Variants in TRIP6 observed in about 807,000 individuals in gnomAD.
TRIP6 encodes thyroid hormone receptor interactor 6, also known as thyroid receptor-interacting protein 6.
Under a neutral mutation model 51.9 loss-of-function variants are expected in TRIP6, and 33 were observed. The ratio of observed to expected loss-of-function variants is 0.64; its 90% CI spans 0.48 to 0.85. The LOEUF (loss-of-function observed/expected upper bound fraction) is 0.85, where lower values mean the gene tolerates loss of function less well. Among genes scored for constraint, TRIP6 ranks in the 40% least tolerant of loss-of-function variants. The pLI is 0.00. For missense variants in TRIP6, 661 were observed against 652.1 expected (o/e 1.01, Z -0.15); for synonymous variants, 255 against 275.8 (o/e 0.92, Z 0.75).
At chr7:100,871,221 G>A (rs1450369056) in intron 6 of TRIP6, 2 of 464,406 alleles carry the variant, frequency 4.3e-6, no homozygotes, top group Admixed American at 6.2e-5. Context: ...TTTTAGTAGA[G>A]ACAGGGTTTC....
At chr7:100,869,623 ACT>A (rs1815226863) in intron 4 of TRIP6, among the ~76,000 whole-genome samples, 2 of 128,876 alleles carry the variant, frequency 1.6e-5, no homozygotes, top group Non-Finnish European at 3.2e-5. Context: ...CAAGAGCAAA[ACT>A]CTGTCTCAAA....
chr7:100,873,126 G>A (rs780758157), intron 8 of TRIP6, 46 bp from the exon 9 acceptor site: 2 of 1,594,494 alleles, frequency 1.3e-6, no homozygotes, highest in East Asian at 4.5e-5. Context: ...TGGGATTACA[G>A]GCGTGAGCCA....
chr7:100,871,392 C>T (rs1189452015), intron 6 of TRIP6, 151 bp from the exon 7 acceptor site: 2 of 733,146 alleles, frequency 2.7e-6, no homozygotes, highest in Non-Finnish European at 4.5e-6. Flanking sequence ...GACCTGAACT[C>T]AGATCTGCTC....
rs1229705672 is a variant in TRIP6, at chr7:100,867,503, G to T, written c.6G>T (p.Ser2=). 1 of 1,488,812 alleles carries T rather than the reference G, an allele frequency of 6.7e-7. No individual in the cohort carries two copies. The highest frequency in any genetic ancestry group is 2.4e-5 in the Admixed American group (1 of 41,172). 92.2% of individuals were successfully genotyped at this position (1,488,812 alleles called of 1,614,324 possible). A position where few individuals can be genotyped will look rare whatever the true frequency, so the allele number is the denominator to read the frequency against. ...GGAGTCCCCCTTTCCAGGCCATGTCGGGGCCCACCTGGCTGCCCCCGAAGC... is the reference window on the plus strand; with the variant it reads ...GGAGTCCCCCTTTCCAGGCCATGTCTGGGCCCACCTGGCTGCCCCCGAAGC... M[S]GPTWLPPKQP... The change falls in exon 1 of 9, where the codon TCG becomes TCT. Residue 2 remains serine (S), a synonymous_variant. Transcript: ENST00000200457. The surrounding 1 kb of genome is among the most constrained non-coding windows in gnomAD (Gnocchi z 5.4).
chr7:100,870,994 T>A (rs1815256743), intron 6 of TRIP6: 2 of 668,418 alleles, frequency 3.0e-6, no homozygotes, highest in Non-Finnish European at 5.4e-6. Flanking sequence ...TAGATTCCCA[T>A]GACACCCCTG....
rs537640607 is a variant in TRIP6, at chr7:100,872,742, G to A, written c.1297G>A (p.Glu433Lys). ...TTTTCACATTGGCTGTTACAAGTGC[G>A]AGGTCAGGGGCCCCCAGCACGTGCA... ...RSFHIGCYKC[E>K]ECGLLLSSEG... Residue 433 changes from glutamate (E) to lysine (K), a missense_variant and splice_region_variant, in exon 8 of 9, where the codon GAG (glutamate) becomes AAG (lysine). Transcript: ENST00000200457. 3.1e-6 allele frequency: 5 copies of A among 1,614,032 alleles called. No homozygotes were observed. The highest frequency in any genetic ancestry group is 2.2e-5 in the South Asian group (2 of 91,082).
chr7:100,871,657 C>T lies in TRIP6; in HGVS notation c.1114C>T (p.Leu372Phe). 1 of 1,614,108 alleles carries T rather than the reference C, an allele frequency of 6.2e-7. No individual in the cohort carries two copies. Among genetic ancestry groups the T allele is most frequent in the Non-Finnish European group, 8.5e-7 (1 of 1,180,040 alleles). Reference sequence around the variant, plus strand: ...CACCTGCGTGGTGTGTCACCGCGGCCTCGACGGCATCCCCTTCACAGTGGA... The same window carrying T: ...CACCTGCGTGGTGTGTCACCGCGGCTTCGACGGCATCCCCTTCACAGTGGA... Reference protein sequence around the residue: ...CFTCVVCHRGLDGIPFTVDAT... With the variant: ...CFTCVVCHRGFDGIPFTVDAT... The change falls in exon 7 of 9, where the codon CTC becomes TTC. Residue 372 changes from leucine (L) to phenylalanine (F), a missense_variant. Leu to Phe is a conservative substitution (Grantham distance 22). Coordinates refer to ENST00000200457, the MANE Select transcript of TRIP6 (RefSeq NM_003302.3).
chr7:100,871,467 C>A, intron 6 of TRIP6, 76 bp from the exon 7 acceptor site: 1 of 1,500,494 alleles, frequency 6.7e-7, no homozygotes. Flanking sequence ...AATTAGATGG[C>A]TGGGTTGCTG....
intron 6 of TRIP6, chr7:100,871,319 G>A: frequency 1.7e-6 from 1 of 596,674 alleles, no homozygotes; most frequent in South Asian, 2.0e-5. Flanking sequence ...ACAGGCGTGA[G>A]CCACTGCACC....
In TRIP6 at chr7:100,867,663, C is replaced by T. The variant is rs1364861719; in HGVS notation, c.109+57C>T. The T allele has an allele frequency of 6.4e-7, 1 of 1,566,262 alleles. No individual in the cohort carries two copies. Among genetic ancestry groups the T allele is most frequent in the East Asian group, 2.3e-5 (1 of 42,916 alleles). On this transcript the variant is annotated intron_variant, in intron 1 of 8. Transcript: ENST00000200457. The surrounding 1 kb of genome is among the most constrained non-coding windows in gnomAD (Gnocchi z 5.4). ...CCCAGCTGTGGCGCTCACCTCTGTC[C>T]TACCGCTCCAGCCTCCCGCCCTGGC...
At chr7:100,870,124 C>T (rs1815237627) in intron 4 of TRIP6, among the ~76,000 whole-genome samples, 1 of 152,302 alleles carries the variant, frequency 6.6e-6, no homozygotes, top group African/African-American at 2.4e-5. Context: ...TTCGAACACA[C>T]AGTTCACAAT....
intron 7 of TRIP6, among the ~76,000 whole-genome samples, chr7:100,872,193 T>G (rs928132724): frequency 4.1e-5 from 6 of 147,722 alleles, no homozygotes; most frequent in Admixed American, 2.0e-4. Flanking sequence ...TTTTTTTTTT[T>G]TTTTTTTTTT....
At position 100,870,423 on chromosome 7, in the gene TRIP6, G is replaced by C. The variant is rs2115625808; in HGVS notation, c.789G>C (p.Leu263=). 6.2e-7 allele frequency: 1 copy of C among 1,613,248 alleles called. No individual in the cohort carries two copies. The highest frequency in any genetic ancestry group is 1.3e-5 in the African/African-American group (1 of 75,026). The change falls in exon 5 of 9, where the codon CTG becomes CTC. Residue 263 remains leucine (L), a synonymous_variant. Transcript: ENST00000200457. ...EDELDRLTKK[L]VHDMNHPPSG... ...AGCTGGATAGGCTGACGAAGAAGCTGGTTCACGACATGAACCACCCGCCCA... is the reference window on the plus strand; with the variant it reads ...AGCTGGATAGGCTGACGAAGAAGCTCGTTCACGACATGAACCACCCGCCCA...
chr7:100,873,332 C>T lies in TRIP6; in HGVS notation c.*29C>T, dbSNP rs756315076. 1.9e-6 allele frequency: 3 copies of T among 1,579,886 alleles called. No individual in the cohort carries two copies. Among genetic ancestry groups the T allele is most frequent in the Admixed American group, 1.7e-5 (1 of 59,072 alleles). On this transcript the variant is annotated 3_prime_UTR_variant, in exon 9 of 9. Coordinates refer to ENST00000200457, the MANE Select transcript of TRIP6 (RefSeq NM_003302.3). ...TTCCTAGAAGTACCTGCTGGGTTCT[C>T]AGTTCCAGTTCCCATCCTTTGATTG...
chr7:100,872,815 C>T, intron 8 of TRIP6, 71 bp downstream of exon 8: 2 of 1,577,122 alleles, frequency 1.3e-6, no homozygotes, highest in South Asian at 1.1e-5. Flanking sequence ...AGGGGGAACA[C>T]AGAGGTCTGG....
In TRIP6 at chr7:100,870,480, G is replaced by A. The variant is rs1020353953; in HGVS notation, c.829+17G>A. On this transcript the variant is annotated intron_variant, in intron 5 of 8. Coordinates refer to ENST00000200457, the MANE Select transcript of TRIP6 (RefSeq NM_003302.3). Reference sequence around the variant, plus strand: ...AGTACTTTGGTGAGCTGAGGCTGTGGGGTGGGTGGGACGTGGGAAGGGAGG... The same window carrying A: ...AGTACTTTGGTGAGCTGAGGCTGTGAGGTGGGTGGGACGTGGGAAGGGAGG... 1.5e-4 allele frequency: 240 copies of A among 1,610,808 alleles called. No homozygotes were observed. The highest frequency in any genetic ancestry group is 2.0e-4 in the Non-Finnish European group (239 of 1,177,850).
chr7:100,868,186 G>GC lies in TRIP6; in HGVS notation c.316_317insC (p.Glu106AlafsTer19). 6.2e-7 allele frequency: 1 copy of GC among 1,609,072 alleles called. No individual in the cohort carries two copies. The highest frequency in any genetic ancestry group is 1.1e-5 in the South Asian group (1 of 90,672). On this transcript the variant is annotated frameshift_variant, in exon 3 of 9. Coordinates refer to ENST00000200457, the MANE Select transcript of TRIP6 (RefSeq NM_003302.3). LOFTEE classifies it high-confidence loss of function. The stretch of plus-strand genomic sequence containing the variant: ...AGACTTGCTGAGCAGCACGCTGGCC[G>GC]AGCTGAATGGGGGTCGGGGTCATGC...
At position 100,872,614 on chromosome 7, in the gene TRIP6, TC is replaced by T; in HGVS notation, c.1179-6del. 1 of 1,613,866 alleles carries T rather than the reference TC, an allele frequency of 6.2e-7. No individual in the cohort carries two copies. Among genetic ancestry groups the T allele is most frequent in the South Asian group, 1.1e-5 (1 of 91,072 alleles). ...GGCTTGATGGCCTTCTTGGTTCTCT[TC>T]CCCTGCAGGAAGTTTGCCCCAAGAT... On this transcript the variant is annotated splice_polypyrimidine_tract_variant and intron_variant, in intron 7 of 8. Coordinates refer to ENST00000200457, the MANE Select transcript of TRIP6 (RefSeq NM_003302.3).
Sources: gnomAD v4.1 joint callset for allele counts (sites outside exome capture counted in the v4.1 genomes callset) on GRCh38, gnomAD v4.1.1 for gene constraint, Gnocchi (gnomAD v3.1) non-coding constraint, MANE v1.5 for transcripts, NCBI Gene and HGNC (gene_info 2026-07-23, HGNC 2026-07-21) for gene names.